EP300: variants seen among roughly 807,000 people sequenced by gnomAD.
The protein encoded by EP300 is EP300 lysine acetyltransferase, also known as histone acetyltransferase p300.
EP300 carries 31 observed loss-of-function variants against 264.0 expected under a neutral mutation model. The ratio of observed to expected loss-of-function variants is 0.12; its 90% CI spans 0.09 to 0.16. EP300 has a LOEUF of 0.16. Ranked by LOEUF, EP300 falls within the 10% of genes least tolerant of loss-of-function variation. The pLI, the probability that EP300 is intolerant of heterozygous loss-of-function variation, is 1.00. For synonymous variants in EP300, 1,340 were observed against 1,045.4 expected (o/e 1.28, Z -5.44); for missense variants, 2,766 against 3,052.9 (o/e 0.91, Z 2.21).
At position 41,146,764 on chromosome 22, in the gene EP300, G is replaced by A. The variant is rs2145732328; in HGVS notation, c.2079G>A (p.Met693Ile). 6.2e-7 allele frequency: 1 copy of A among 1,614,176 alleles called. No individual in the cohort carries two copies. Among genetic ancestry groups the A allele is most frequent in the Non-Finnish European group, 8.5e-7 (1 of 1,180,020 alleles). The part of the protein sequence containing the change: ...TSNGPLPDPS[M>I]IRGSVPNQMM... Reference sequence around the variant, plus strand: ...ATGGCCCTCTACCTGACCCAAGTATGATCCGTGGCAGTGTGCCAAACCAGA... The same window carrying A: ...ATGGCCCTCTACCTGACCCAAGTATAATCCGTGGCAGTGTGCCAAACCAGA... Residue 693 changes from methionine to isoleucine, a missense_variant, in exon 11 of 31, where the codon ATG becomes ATA. Coordinates refer to ENST00000263253, the MANE Select transcript of EP300 (RefSeq NM_001429.4).
At chr22:41,144,764 G>C (rs909277874) in intron 10 of EP300, among the ~76,000 whole-genome samples, 1 of 152,206 alleles carries the variant, frequency 6.6e-6, no homozygotes, top group East Asian at 1.9e-4. Flanking sequence ...AGATACATTC[G>C]TATCTGCATC....
chr22:41,164,909 A>G (rs928091176), intron 22 of EP300, among the ~76,000 whole-genome samples: 1 of 152,152 alleles, frequency 6.6e-6, no homozygotes, highest in African/African-American at 2.4e-5. Flanking sequence ...AATCCCAGCC[A>G]TGTTCCAAAG....
chr22:41,167,618 AT>A (rs2059145397), intron 23 of EP300, among the ~76,000 whole-genome samples: 1 of 51,806 alleles, frequency 1.9e-5, no homozygotes, highest in Non-Finnish European at 4.4e-5. Context: ...ATATATATAT[AT>A]ATATATATAT....
chr22:41,125,976 CAAATAACTT>C lies in EP300; in HGVS notation c.844_852del (p.Asn282_Leu284del). On this transcript the variant is annotated inframe_deletion, in exon 3 of 31. Coordinates refer to ENST00000263253, the MANE Select transcript of EP300 (RefSeq NM_001429.4). ...CAGATTCAGACAAAAACTGTACTATCAAATAACTTATCTCCATTTGCTATGGACAAAAAG... is the reference window on the plus strand; with the variant it reads ...CAGATTCAGACAAAAACTGTACTATCATCTCCATTTGCTATGGACAAAAAG... The C allele has an allele frequency of 6.2e-7, 1 of 1,614,196 alleles. No homozygotes were observed. The highest frequency in any genetic ancestry group is 1.1e-5 in the South Asian group (1 of 91,080).
At chr22:41,108,407 C>T (rs2058770447) in intron 1 of EP300, among the ~76,000 whole-genome samples, 1 of 151,950 alleles carries the variant, frequency 6.6e-6, no homozygotes, top group African/African-American at 2.4e-5. Context: ...CACCACCATG[C>T]CTGGCTAATT....
At chr22:41,136,974 C>G (rs1412771910) in intron 7 of EP300, among the ~76,000 whole-genome samples, 1 of 152,084 alleles carries the variant, frequency 6.6e-6, no homozygotes, top group South Asian at 2.1e-4. Flanking sequence ...GCAGGAGAAT[C>G]GCTTGAACCC....
chr22:41,162,071 C>A (rs987119883), intron 20 of EP300, among the ~76,000 whole-genome samples: 7 of 152,150 alleles, frequency 4.6e-5, no homozygotes, highest in Admixed American at 6.5e-5. Context: ...CAAGACCCTT[C>A]CCAATTCTGC....
intron 27 of EP300, 136 bp from the exon 28 acceptor site, chr22:41,172,363 C>T (rs1296685514): frequency 1.5e-5 from 11 of 748,016 alleles, no homozygotes; most frequent in East Asian, 5.4e-5. Flanking sequence ...CCCTGGCTTA[C>T]GGCTTAGGTA....
chr22:41,109,267 AAC>A (rs67977928), intron 1 of EP300, among the ~76,000 whole-genome samples: 6 of 151,568 alleles, frequency 4.0e-5, no homozygotes, highest in South Asian at 4.2e-4. Flanking sequence ...AAAAAAAAAA[AAC>A]AAAAAAAAAC....
Position 41,149,034 on chromosome 22 carries a change from T to C in EP300, c.2242-4T>C, listed in dbSNP as rs757571385. ...TGGTGATTTGTGTTTTTTTTTTTTT[T>C]CAGCCTATGGGCTATGGGCCTCGTA... On this transcript the variant is annotated splice_region_variant and splice_polypyrimidine_tract_variant and intron_variant, in intron 12 of 30. Transcript: ENST00000263253. The C allele has an allele frequency of 3.2e-5, 51 of 1,612,878 alleles. No homozygotes were observed. Among genetic ancestry groups the C allele is most frequent in the Middle Eastern group, 1.6e-4 (1 of 6,078 alleles).
chr22:41,170,941 G>C (rs549506113), intron 27 of EP300, among the ~76,000 whole-genome samples: 11 of 149,856 alleles, frequency 7.3e-5, no homozygotes, highest in African/African-American at 2.7e-4. Flanking sequence ...GGGATTACAG[G>C]CATGAGCCAC....
At chr22:41,093,382 A>G (rs963003701) in intron 1 of EP300, among the ~76,000 whole-genome samples, 15 of 152,176 alleles carry the variant, frequency 9.9e-5, no homozygotes, top group South Asian at 2.1e-4. Context: ...CTCTCATGCA[A>G]TTTAATTTGG....
chr22:41,102,976 A>C (rs2058740022), intron 1 of EP300, among the ~76,000 whole-genome samples: 2 of 152,212 alleles, frequency 1.3e-5, no homozygotes, highest in Middle Eastern at 6.8e-3. Flanking sequence ...CAGCCTCCCA[A>C]GTAGCTGGGA....
intron 1 of EP300, among the ~76,000 whole-genome samples, chr22:41,096,503 C>G (rs1483932132): frequency 6.6e-6 from 1 of 151,914 alleles, no homozygotes; most frequent in East Asian, 1.9e-4. Flanking sequence ...AGTTTTTCCC[C>G]CATTTCAAAG....
At chr22:41,105,822 C>G (rs941267172) in intron 1 of EP300, among the ~76,000 whole-genome samples, 1 of 152,142 alleles carries the variant, frequency 6.6e-6, no homozygotes, top group Non-Finnish European at 1.5e-5. Flanking sequence ...CACTTTTGCC[C>G]TTTCACTCTA....
intron 27 of EP300, among the ~76,000 whole-genome samples, chr22:41,171,281 T>C (rs749238134): frequency 6.6e-6 from 1 of 150,652 alleles, no homozygotes; most frequent in Non-Finnish European, 1.5e-5. Flanking sequence ...CCTTAAAATA[T>C]ATCTTTTTGT....
chr22:41,154,889 T>A (rs1277426634), intron 16 of EP300, 106 bp from the exon 17 acceptor site: 6 of 799,110 alleles, frequency 7.5e-6, no homozygotes, highest in Non-Finnish European at 1.3e-5. Context: ...AGTGGTTAAT[T>A]TTGTTATTGA....
At chr22:41,169,708 C>CT (rs2059159400) in intron 26 of EP300, 92 bp downstream of exon 26, 3 of 773,570 alleles carry the variant, frequency 3.9e-6, no homozygotes, top group South Asian at 1.5e-5. Context: ...AACTCTTGGC[C>CT]TTTTTTTCCT....
chr22:41,170,676 T>C (rs2059164580), intron 27 of EP300, 105 bp downstream of exon 27: 2 of 1,235,748 alleles, frequency 1.6e-6, no homozygotes, highest in Non-Finnish European at 2.2e-6. Flanking sequence ...TTTTTTTTTT[T>C]TTTGAGACGG....
Sources: allele counts gnomAD v4.1 joint callset (sites outside exome capture counted in the v4.1 genomes callset), GRCh38; gene constraint gnomAD v4.1.1; transcripts MANE v1.5; gene names NCBI Gene and HGNC (gene_info 2026-07-23, HGNC 2026-07-21).